VWA3B: variants seen among roughly 807,000 people sequenced by gnomAD.
The protein encoded by VWA3B is von Willebrand factor A domain-containing protein 3B.
VWA3B carries 138 observed loss-of-function variants against 158.3 expected under a neutral mutation model. The observed-to-expected ratio is 0.87, with a 90% CI of 0.76 to 1.00. VWA3B has a LOEUF of 1.00. Among genes scored for constraint, VWA3B ranks in the 50% least tolerant of loss-of-function variants. VWA3B has a pLI of 0.00. For synonymous variants in VWA3B, 596 were observed against 587.3 expected, an observed-to-expected ratio of 1.01 and a Z score of -0.21; for missense variants, 1,555 against 1,565.1, an observed-to-expected ratio of 0.99 and a Z score of 0.11.
chr2:98,304,651 T>G (rs77047032), intron 26 of VWA3B, among the ~76,000 whole-genome samples: 2 of 152,108 alleles, frequency 1.3e-5, no homozygotes, highest in Admixed American at 1.3e-4. Context: ...GTGTCCTTCC[T>G]TTCACCCCAG....
chr2:98,242,015 G>T (rs185769309), intron 19 of VWA3B, among the ~76,000 whole-genome samples: 2 of 152,200 alleles, frequency 1.3e-5, no homozygotes, highest in Admixed American at 1.3e-4. Flanking sequence ...ATACCTTTTT[G>T]ATGTTTGGAC....
At chr2:98,149,235 A>T (rs1677418162) in intron 7 of VWA3B, among the ~76,000 whole-genome samples, 1 of 152,220 alleles carries the variant, frequency 6.6e-6, no homozygotes, top group Non-Finnish European at 1.5e-5. Context: ...TGAAACAATA[A>T]TATTATTGTT....
At chr2:98,154,588 G>C (rs1292451678) in intron 7 of VWA3B, among the ~76,000 whole-genome samples, 2 of 152,146 alleles carry the variant, frequency 1.3e-5, no homozygotes, top group Non-Finnish European at 2.9e-5. Flanking sequence ...ACTACGTCTT[G>C]TTTAAAGTAG....
rs118024042 is a variant in VWA3B, at chr2:98,164,047, C to G, written c.1114+1071C>G. Among the ~76,000 whole-genome samples the G allele has an allele frequency of 9.9e-5, 15 of 152,244 alleles. No homozygotes were observed. In the East Asian group the frequency reaches 2.7e-3, roughly 27 times the overall value. On this transcript the variant is annotated intron_variant, in intron 8 of 27. Coordinates refer to ENST00000477737, the MANE Select transcript of VWA3B (RefSeq NM_144992.5). ...AGGAGGAGCAGGAGAGCTCAGTGAT[C>G]GGCTCGGCCAGCCTTGACCCTTGCC... is the stretch of plus-strand genomic sequence containing the variant.
chr2:98,261,392 C>T (rs146433670), intron 21 of VWA3B, among the ~76,000 whole-genome samples: 11 of 151,794 alleles, frequency 7.2e-5, no homozygotes, highest in East Asian at 3.9e-4. Flanking sequence ...TATTATTTTA[C>T]GCATTTGCCT....
chr2:98,161,311 C>T (rs1273409867), intron 7 of VWA3B, among the ~76,000 whole-genome samples: 2 of 152,244 alleles, frequency 1.3e-5, no homozygotes, highest in Admixed American at 6.5e-5. Flanking sequence ...AAGCATTTCT[C>T]AATTTCCCTT....
At chr2:98,090,394 T>C (rs1441641571) in intron 1 of VWA3B, among the ~76,000 whole-genome samples, 1 of 152,204 alleles carries the variant, frequency 6.6e-6, no homozygotes, top group Admixed American at 6.5e-5. Context: ...TTTTAGATCA[T>C]TTATTTGCAC....
chr2:98,278,955 G>A (rs1460814067), intron 22 of VWA3B, among the ~76,000 whole-genome samples: 1 of 152,186 alleles, frequency 6.6e-6, no homozygotes. Context: ...ACACAGAAGT[G>A]ATGTGTGCAC....
At chr2:98,188,870 C>G (rs1681349140) in intron 10 of VWA3B, among the ~76,000 whole-genome samples, 1 of 152,164 alleles carries the variant, frequency 6.6e-6, no homozygotes, top group Admixed American at 6.5e-5. Flanking sequence ...TTATTGAAAA[C>G]AGCAAGCCAA....
chr2:98,200,301 G>A (rs1404686732), intron 12 of VWA3B, among the ~76,000 whole-genome samples: 1 of 152,168 alleles, frequency 6.6e-6, no homozygotes, highest in East Asian at 1.9e-4. Flanking sequence ...CCAGCACTTT[G>A]TGAGGCCGAG....
At chr2:98,132,835 G>A (rs201020901) in intron 6 of VWA3B, among the ~76,000 whole-genome samples, 4 of 152,220 alleles carry the variant, frequency 2.6e-5, no homozygotes, top group Non-Finnish European at 4.4e-5. Flanking sequence ...TTTAATTGCC[G>A]TCAAGTCATT....
intron 6 of VWA3B, among the ~76,000 whole-genome samples, chr2:98,128,769 C>G (rs1675586200): frequency 6.6e-6 from 1 of 152,218 alleles, no homozygotes; most frequent in Non-Finnish European, 1.5e-5. Context: ...CCGCTGTTCT[C>G]TACCCTAATC....
At chr2:98,133,564 A>G (rs1676031439) in intron 6 of VWA3B, 2 of 448,064 alleles carry the variant, frequency 4.5e-6, no homozygotes, top group Non-Finnish European at 8.0e-6. Flanking sequence ...AAGAAATACC[A>G]TTTGGTTGAG....
intron 12 of VWA3B, among the ~76,000 whole-genome samples, chr2:98,210,040 C>A (rs1683377191): frequency 6.6e-6 from 1 of 152,050 alleles, no homozygotes; most frequent in Non-Finnish European, 1.5e-5. Context: ...TGCTGGGTGA[C>A]CTTCTGGGAT....
Position 98,247,122 on chromosome 2 carries a change from C to T in VWA3B, c.2674-3196C>T, listed in dbSNP as rs552818135. On this transcript the variant is annotated intron_variant, in intron 19 of 27. Coordinates refer to ENST00000477737, the MANE Select transcript of VWA3B (RefSeq NM_144992.5). ...AAGTGATTCTCCTGCCTCAGCCTCC[C>T]GAGTAGCTTGGATTACAGGCACCCG... is the stretch of plus-strand genomic sequence containing the variant. Among the ~76,000 whole-genome samples the T allele has an allele frequency of 1.3e-4, 20 of 151,932 alleles. No individual in the cohort carries two copies. In the South Asian group the frequency reaches 1.9e-3, roughly 14 times the overall value.
chr2:98,115,507 A>C (rs1674460969), intron 2 of VWA3B, 145 bp from the exon 3 acceptor site: 6 of 640,860 alleles, frequency 9.4e-6, no homozygotes, highest in Non-Finnish European at 1.6e-5. Flanking sequence ...ATACTTCATG[A>C]TTTAGAACAG....
intron 19 of VWA3B, among the ~76,000 whole-genome samples, chr2:98,240,330 G>A (rs997755407): frequency 1.1e-4 from 16 of 152,124 alleles, no homozygotes; most frequent in African/African-American, 3.6e-4. Flanking sequence ...GCCTATAGTT[G>A]CAAGGTTCTT....
intron 8 of VWA3B, among the ~76,000 whole-genome samples, chr2:98,174,618 G>A (rs1323280260): frequency 1.3e-5 from 2 of 152,198 alleles, no homozygotes; most frequent in African/African-American, 4.8e-5. Context: ...TGAAAAACTG[G>A]GGAATGGGAT....
rs545432509 is a variant in VWA3B, at chr2:98,188,143, G to A, written c.1466+14G>A. The A allele has an allele frequency of 2.5e-6, 4 of 1,605,246 alleles. No individual in the cohort carries two copies. In the African/African-American group the frequency reaches 4.0e-5, roughly 16 times the overall value. On this transcript the variant is annotated intron_variant, in intron 10 of 27. Transcript: ENST00000477737. ...GATCCGAAGGAGGTTGGTGTTATTT[G>A]CAGGAAGTTACAAGTGGTCTCCTCG...
Sources: allele counts gnomAD v4.1 joint callset (sites outside exome capture counted in the v4.1 genomes callset), GRCh38; gene constraint gnomAD v4.1.1; transcripts MANE v1.5; gene names NCBI Gene and HGNC (gene_info 2026-07-23, HGNC 2026-07-21).